LAS1L: variants seen among roughly 807,000 people sequenced by gnomAD.
LAS1L encodes ribosomal biogenesis protein LAS1L.
A neutral mutation model predicts 57.3 loss-of-function variants in LAS1L; 5 were observed. The ratio of observed to expected loss-of-function variants is 0.09; its 90% CI spans 0.05 to 0.18. The LOEUF (loss-of-function observed/expected upper bound fraction) is 0.18. Ranked by LOEUF, LAS1L falls within the 10% of genes least tolerant of loss-of-function variation. The pLI is 1.00. For synonymous variants in LAS1L, 245 were observed against 231.7 expected (o/e 1.06, Z -0.52); for missense variants, 360 against 568.3 (o/e 0.63, Z 3.73).
intron 1 of LAS1L, among the ~76,000 whole-genome samples, chrX:65,534,121 T>A (rs2069672241): frequency 9.0e-6 from 1 of 111,717 alleles, no homozygotes; most frequent in Admixed American, 9.5e-5. Flanking sequence ...AGGCAAGACT[T>A]CCTCCCCATT....
At chrX:65,529,508 T>C (rs1377229576) in intron 5 of LAS1L, 86 bp downstream of exon 5, 14 of 1,003,913 alleles carry the variant, frequency 1.4e-5, no homozygotes, top group Non-Finnish European at 1.9e-5. Flanking sequence ...CCAGAGGAAA[T>C]GCTGAGCCAG....
intron 13 of LAS1L, among the ~76,000 whole-genome samples, chrX:65,514,307 G>C (rs889521465): frequency 9.0e-6 from 1 of 110,891 alleles, no homozygotes; most frequent in African/African-American, 3.3e-5. Context: ...ATGAAGCCCC[G>C]TGCAGGCCTT....
intron 8 of LAS1L, 95 bp from the exon 9 acceptor site, chrX:65,524,709 T>C: frequency 4.0e-6 from 2 of 500,390 alleles, no homozygotes; most frequent in Admixed American, 2.9e-5. Flanking sequence ...ACAACGAACA[T>C]GGCACAATAA....
chrX:65,525,138 CT>C, intron 7 of LAS1L, 88 bp from the exon 8 acceptor site: 1 of 762,634 alleles, frequency 1.3e-6, no homozygotes, highest in East Asian at 3.4e-5. Context: ...CAGCTAATGC[CT>C]CTGGCTCAAG....
At chrX:65,515,994 C>T (rs1271743041) in intron 12 of LAS1L, among the ~76,000 whole-genome samples, 1 of 111,876 alleles carries the variant, frequency 8.9e-6, no homozygotes, top group Non-Finnish European at 1.9e-5. Context: ...TTAAATGTCC[C>T]TCCCCATCCT....
chrX:65,521,074 T>TGA, intron 11 of LAS1L: 1 of 751,229 alleles, frequency 1.3e-6, no homozygotes, highest in Non-Finnish European at 1.6e-6. Context: ...AATGTGGCTG[T>TGA]TCAGTTCCAA....
chrX:65,528,679 GGA>G (rs1476413887), intron 6 of LAS1L, among the ~76,000 whole-genome samples: 1 of 113,086 alleles, frequency 8.8e-6, no homozygotes, highest in Non-Finnish European at 1.9e-5. Context: ...CCAGAGATGA[GGA>G]GAGGCAATGA....
intron 13 of LAS1L, 114 bp from the exon 14 acceptor site, chrX:65,513,015 T>C: frequency 1.3e-6 from 1 of 798,072 alleles, no homozygotes; most frequent in Non-Finnish European, 1.7e-6. Context: ...CTGCCTGGCT[T>C]TACAAAGAGA....
intron 11 of LAS1L, chrX:65,518,990 C>T: frequency 1.3e-6 from 1 of 750,730 alleles, no homozygotes; most frequent in Non-Finnish European, 1.6e-6. Flanking sequence ...AGCTACAGCC[C>T]AGCCTGGAAT....
At chrX:65,534,295 A>C (rs908932636) in intron 1 of LAS1L, among the ~76,000 whole-genome samples, 185 bp downstream of exon 1, 6 of 112,199 alleles carry the variant, frequency 5.3e-5, no homozygotes, top group Non-Finnish European at 9.4e-5. Flanking sequence ...ACAACCCCTT[A>C]CTTTCCATTC....
At position 65,525,060 on chromosome X, in the gene LAS1L, G is replaced by T. The variant is rs781418326; in HGVS notation, c.957-10C>A. ...ATCCAGCACAGCCTCCCTGGAACAAGAGGACACTAGTTTAGCAAAGTGATG... is the reference window on the plus strand; with the variant it reads ...ATCCAGCACAGCCTCCCTGGAACAATAGGACACTAGTTTAGCAAAGTGATG... On this transcript the variant is annotated splice_polypyrimidine_tract_variant and intron_variant, in intron 7 of 13. Transcript: ENST00000374811. 5 of 1,187,705 alleles carry T rather than the reference G, an allele frequency of 4.2e-6. No homozygotes were observed. Among genetic ancestry groups the T allele is most frequent in the Non-Finnish European group, 5.7e-6 (5 of 876,917 alleles).
intron 13 of LAS1L, among the ~76,000 whole-genome samples, chrX:65,514,499 G>A (rs1602566074): frequency 2.0e-5 from 2 of 101,832 alleles, no homozygotes; most frequent in Admixed American, 2.1e-4. Context: ...TGAAAGCTAT[G>A]GACCCTTCTC....
At chrX:65,529,371 C>T (rs1410518381) in intron 5 of LAS1L, 113 bp from the exon 6 acceptor site, 1 of 721,236 alleles carries the variant, frequency 1.4e-6, no homozygotes, top group East Asian at 3.3e-5. Context: ...AACTAGAATT[C>T]CTTCCCCAAC....
At chrX:65,520,451 A>G in intron 11 of LAS1L, 1 of 754,043 alleles carries the variant, frequency 1.3e-6, no homozygotes, top group Non-Finnish European at 1.6e-6. Flanking sequence ...AGTATCTTTT[A>G]TTTTTTCTCT....
intron 4 of LAS1L, 138 bp from the exon 5 acceptor site, chrX:65,530,016 G>A (rs2069386578): frequency 1.8e-6 from 1 of 541,819 alleles, no homozygotes; most frequent in African/African-American, 2.3e-5. Context: ...TCCAGAAGCA[G>A]CCTCTTTCAC....
At chrX:65,513,006 T>C (rs2068501265) in intron 13 of LAS1L, 105 bp from the exon 14 acceptor site, 1 of 836,956 alleles carries the variant, frequency 1.2e-6, no homozygotes, top group Non-Finnish European at 1.6e-6. Context: ...CCCACTCTCC[T>C]GCCTGGCTTT....
intron 6 of LAS1L, among the ~76,000 whole-genome samples, chrX:65,528,800 T>C (rs968068285): frequency 1.8e-5 from 2 of 112,397 alleles, no homozygotes; most frequent in African/African-American, 6.5e-5. Flanking sequence ...CTTCAATTTC[T>C]TAATCTGTGA....
At chrX:65,512,999 A>T (rs2068500730) in intron 13 of LAS1L, 98 bp from the exon 14 acceptor site, 1 of 858,898 alleles carries the variant, frequency 1.2e-6, no homozygotes, top group East Asian at 3.6e-5. Context: ...GGATGGGCCC[A>T]CTCTCCTGCC....
chrX:65,534,682 C>G lies in LAS1L; in HGVS notation c.34G>C (p.Gly12Arg). ...SWESGAGPGL[G>R]SQGMDLVWSA... ...CACACGAGATCCATCCCCTGGGAAC[C>G]TAGACCTGGCCCGGCCCCGGATTCC... The change falls in exon 1 of 14, where the codon GGT becomes CGT. Residue 12 changes from glycine to arginine, a missense_variant. Gly to Arg is a moderately radical substitution (Grantham distance 125, BLOSUM62 -2). Around this residue, in one of 7 missense-constraint regions of LAS1L, gnomAD observed 36 missense variants for 27.9 expected, o/e 1.29. Coordinates refer to ENST00000374811, the MANE Select transcript of LAS1L (RefSeq NM_031206.7). The G allele has an allele frequency of 8.5e-7, 1 of 1,181,612 alleles. No individual in the cohort carries two copies. The highest frequency in any genetic ancestry group is 1.1e-6 in the Non-Finnish European group (1 of 880,388).
Sources: gnomAD v4.1 joint callset for allele counts (sites outside exome capture counted in the v4.1 genomes callset) on GRCh38, gnomAD v4.1.1 for gene constraint, gnomAD v4.1.1 regional missense constraint, MANE v1.5 for transcripts, NCBI Gene and HGNC (gene_info 2026-07-23, HGNC 2026-07-21) for gene names.